The following SH2D4B variants were observed in gnomAD, a reference collection of about 807,000 sequenced individuals.
SH2D4B encodes the protein SH2 domain containing 4B.
Under a neutral mutation model 61.5 loss-of-function variants are expected in SH2D4B, and 45 were observed. That is an observed-to-expected ratio of 0.73 (90% confidence interval 0.58 to 0.94). SH2D4B has a LOEUF of 0.94. SH2D4B is among the 40% of genes least tolerant of loss of function. SH2D4B has a pLI of 0.00. For missense variants in SH2D4B, 572 were observed against 574.2 expected (o/e 1.00, Z 0.04); for synonymous variants, 224 against 220.4 (o/e 1.02, Z -0.14).
At chr10:80,547,908 A>T (rs1333658542) in intron 1 of SH2D4B, among the ~76,000 whole-genome samples, 1 of 152,112 alleles carries the variant, frequency 6.6e-6, no homozygotes, top group Admixed American at 6.5e-5. Context: ...GATGAATGAG[A>T]TATTGCCAGC....
chr10:80,636,213 T>C (rs1840162612), intron 7 of SH2D4B, among the ~76,000 whole-genome samples: 1 of 152,216 alleles, frequency 6.6e-6, no homozygotes, highest in Non-Finnish European at 1.5e-5. Context: ...GACATTCTGG[T>C]TGGTTCCAAG....
intron 1 of SH2D4B, among the ~76,000 whole-genome samples, chr10:80,562,373 G>A (rs919687561): frequency 6.6e-5 from 10 of 152,214 alleles, no homozygotes; most frequent in African/African-American, 2.2e-4. Flanking sequence ...TCTCATGAAC[G>A]TTTTAACAAA....
chr10:80,540,965 T>G (rs925021537), intron 1 of SH2D4B: 18 of 1,421,202 alleles, frequency 1.3e-5, no homozygotes, highest in Non-Finnish European at 1.8e-5. Flanking sequence ...ATGTCCAGGC[T>G]CTTGAAACTG....
intron 3 of SH2D4B, among the ~76,000 whole-genome samples, chr10:80,582,621 C>T (rs113757196): frequency 6.6e-6 from 1 of 152,142 alleles, no homozygotes; most frequent in African/African-American, 2.4e-5. Context: ...AACAGGGAGT[C>T]GGGCTCATGT....
intron 7 of SH2D4B, among the ~76,000 whole-genome samples, chr10:80,640,651 G>A (rs919575866): frequency 9.2e-5 from 14 of 152,058 alleles, no homozygotes; most frequent in Non-Finnish European, 1.8e-4. Context: ...GGTCATTTAA[G>A]GTTTTCTCTA....
chr10:80,552,465 T>A (rs573675527), intron 1 of SH2D4B, among the ~76,000 whole-genome samples: 2 of 152,290 alleles, frequency 1.3e-5, no homozygotes, highest in Non-Finnish European at 2.9e-5. Flanking sequence ...TCCCCTCATT[T>A]CAGGATGCTA....
chr10:80,611,175 CAAAAAAAAAAAA>C lies in SH2D4B; in HGVS notation c.988+1641_988+1652del, dbSNP rs35997031. On this transcript the variant is annotated intron_variant, in intron 6 of 7. Transcript: ENST00000646907. Reference sequence around the variant, plus strand: ...GGGCAACCAGAGCGAGACTCAGTCTCAAAAAAAAAAAAAAAAAAAAAAAAAAAACATTGATGA... The same window carrying C: ...GGGCAACCAGAGCGAGACTCAGTCTCAAAAAAAAAAAAAAAACATTGATGA... Among the ~76,000 whole-genome samples the C allele has an allele frequency of 2.0e-4, 9 of 45,056 alleles. No homozygotes were observed. In the South Asian group the frequency reaches 8.1e-3, roughly 40 times the overall value. 29.6% of individuals were successfully genotyped at this position (45,056 alleles called of 152,430 possible).
At chr10:80,597,606 C>T (rs376693480) in intron 4 of SH2D4B, among the ~76,000 whole-genome samples, 1 of 152,142 alleles carries the variant, frequency 6.6e-6, no homozygotes. Flanking sequence ...GTGGAGGTTG[C>T]AGTGAGCTGA....
chr10:80,549,202 ATTGTGTG>A (rs1455820352), intron 1 of SH2D4B, among the ~76,000 whole-genome samples: 3,324 of 80,622 alleles, frequency 0.041, 121 homozygotes, highest in African/African-American at 0.086. Context: ...ATGGGACTTG[ATTGTGTG>A]TGTGTGTGTG....
chr10:80,552,683 A>T (rs918725386), intron 1 of SH2D4B, among the ~76,000 whole-genome samples: 1 of 152,172 alleles, frequency 6.6e-6, no homozygotes, highest in Non-Finnish European at 1.5e-5. Flanking sequence ...TATCTCTCCG[A>T]GTGGCTAGCA....
chr10:80,612,959 C>T lies in SH2D4B; in HGVS notation c.988+3408C>T, dbSNP rs117017040. ...CCCATCTGTGAAACTGGCATTGTAACATCTACTTCACAGGACACTTACGAA... is the reference window on the plus strand; with the variant it reads ...CCCATCTGTGAAACTGGCATTGTAATATCTACTTCACAGGACACTTACGAA... On this transcript the variant is annotated intron_variant, in intron 6 of 7. Transcript: ENST00000646907. 8.2e-4 allele frequency among the ~76,000 whole-genome samples: 125 copies of T among 152,336 alleles called. 1 individual carries two copies. In the East Asian group the frequency reaches 0.022, roughly 26 times the overall value.
At position 80,538,381 on chromosome 10, in the gene SH2D4B, C is replaced by T; in HGVS notation, c.50C>T (p.Ala17Val). 1 of 1,421,776 alleles carries T rather than the reference C, an allele frequency of 7.0e-7. No homozygotes were observed. Among genetic ancestry groups the T allele is most frequent in the Non-Finnish European group, 9.2e-7 (1 of 1,083,488 alleles). The allele number at this position is 1,421,776 out of a possible 1,614,324, so 88.1% of individuals were successfully genotyped here. Residue 17 changes from alanine (A) to valine (V), a missense_variant, in exon 1 of 8, where the codon GCC (alanine) becomes GTC (valine). Ala to Val is a moderately conservative substitution (Grantham distance 64). Coordinates refer to ENST00000646907, the MANE Select transcript of SH2D4B (RefSeq NM_001388272.1). The surrounding 1 kb of genome is among the most constrained non-coding windows in gnomAD (Gnocchi z 4.8). ...HDMYIDPELL[A>V]ELSDVQKHIL... ...ATGTACATCGACCCCGAGCTCCTTGCCGAGCTCAGCGATGTGCAGAAGCAC... is the reference window on the plus strand; with the variant it reads ...ATGTACATCGACCCCGAGCTCCTTGTCGAGCTCAGCGATGTGCAGAAGCAC...
At chr10:80,619,205 G>T (rs1391843385) in intron 6 of SH2D4B, among the ~76,000 whole-genome samples, 1 of 152,222 alleles carries the variant, frequency 6.6e-6, no homozygotes, top group South Asian at 2.1e-4. Flanking sequence ...GGCTGCAGTG[G>T]CCTGCCTGTG....
intron 1 of SH2D4B, among the ~76,000 whole-genome samples, chr10:80,559,985 C>CTT (rs144516423): frequency 0.019 from 2,405 of 124,548 alleles, 172 homozygotes; most frequent in African/African-American, 0.074. Context: ...TAAAATACAC[C>CTT]TTTTTTTTTT....
At chr10:80,571,784 T>C (rs1291601928) in intron 3 of SH2D4B, among the ~76,000 whole-genome samples, 1 of 150,402 alleles carries the variant, frequency 6.6e-6, no homozygotes, top group Non-Finnish European at 1.5e-5. Flanking sequence ...TTCTTTTTTT[T>C]TTTTTTTGAG....
intron 1 of SH2D4B, among the ~76,000 whole-genome samples, chr10:80,562,109 C>T (rs1841908703): frequency 6.6e-6 from 1 of 151,950 alleles, no homozygotes; most frequent in South Asian, 2.1e-4. Flanking sequence ...CTGCCCACAG[C>T]CCCCATCCCC....
chr10:80,618,868 C>T (rs7085490), intron 6 of SH2D4B, among the ~76,000 whole-genome samples: 74,911 of 151,908 alleles, frequency 0.49, 21,272 homozygotes, highest in African/African-American at 0.77. Flanking sequence ...TTTCAGGGAA[C>T]GGAATGGAGG....
At chr10:80,624,028 G>A (rs947746922) in intron 6 of SH2D4B, among the ~76,000 whole-genome samples, 3 of 152,082 alleles carry the variant, frequency 2.0e-5, no homozygotes, top group Admixed American at 1.3e-4. Flanking sequence ...CTCTCGGAAG[G>A]CTGATCTAGT....
intron 7 of SH2D4B, 108 bp downstream of exon 7, chr10:80,634,613 G>T (rs975420294): frequency 6.6e-5 from 96 of 1,457,060 alleles, no homozygotes; most frequent in Non-Finnish European, 8.6e-5. Context: ...GGGCAGTGGG[G>T]CTGGAGGGTC....
Sources: gnomAD v4.1 joint callset for allele counts (sites outside exome capture counted in the v4.1 genomes callset) on GRCh38, gnomAD v4.1.1 for gene constraint, Gnocchi (gnomAD v3.1) non-coding constraint, MANE v1.5 for transcripts, NCBI Gene and HGNC (gene_info 2026-07-23, HGNC 2026-07-21) for gene names.